Variants in MAP3K7 observed in about 807,000 individuals in gnomAD.
The protein encoded by MAP3K7 is mitogen-activated protein kinase kinase kinase 7.
In MAP3K7, 21 loss-of-function variants were observed where a neutral mutation model predicts 84.8. The ratio of observed to expected loss-of-function variants is 0.25; its 90% CI spans 0.18 to 0.36. MAP3K7 has a LOEUF of 0.36. MAP3K7 is among the 10% of genes least tolerant of loss of function. The pLI is 1.00. For synonymous variants in MAP3K7, 241 were observed against 247.7 expected (o/e 0.97, Z 0.25); for missense variants, 503 against 747.7 (o/e 0.67, Z 3.82).
At position 90,519,336 on chromosome 6, in the gene MAP3K7, T is replaced by A. The variant is rs142511817; in HGVS notation, c.1463-17A>T. The A allele has an allele frequency of 1.7e-4, 252 of 1,524,882 alleles. No individual in the cohort carries two copies. In the African/African-American group the frequency reaches 3.1e-3, roughly 19 times the overall value. The allele number at this position is 1,524,882 out of a possible 1,614,324, so 94.5% of individuals were successfully genotyped here. ...CATTGGTATCTGGAATTCAAGCATG[T>A]ATTTTATTGATTTTCTGTCACAAAT... On this transcript the variant is annotated splice_polypyrimidine_tract_variant and intron_variant, in intron 14 of 16. Coordinates refer to ENST00000369329, the MANE Select transcript of MAP3K7 (RefSeq NM_145331.3).
At chr6:90,555,910 T>C (rs1776322479) in intron 6 of MAP3K7, among the ~76,000 whole-genome samples, 1 of 152,234 alleles carries the variant, frequency 6.6e-6, no homozygotes, top group African/African-American at 2.4e-5. Flanking sequence ...ATTTAACATA[T>C]GTATATTGTC....
chr6:90,547,861 A>G (rs2127971978), intron 10 of MAP3K7, among the ~76,000 whole-genome samples, 186 bp downstream of exon 10: 1 of 152,312 alleles, frequency 6.6e-6, no homozygotes, highest in Non-Finnish European at 1.5e-5. Flanking sequence ...ATTAGAAGGA[A>G]AAACCATTTG....
intron 12 of MAP3K7, 113 bp from the exon 13 acceptor site, chr6:90,536,514 G>T: frequency 4.5e-6 from 3 of 662,146 alleles, no homozygotes; most frequent in Non-Finnish European, 7.7e-6. Context: ...TACACAAAAT[G>T]TTTGTGGGGA....
At chr6:90,541,395 T>C (rs1386075430) in intron 12 of MAP3K7, among the ~76,000 whole-genome samples, 1 of 152,032 alleles carries the variant, frequency 6.6e-6, no homozygotes, top group African/African-American at 2.4e-5. Context: ...ACACTGCTAC[T>C]TGGCAGGACC....
rs921465945 is a variant in MAP3K7 at position 90,554,090 on chromosome 6, A to G, written c.608-504T>C. Among the ~76,000 whole-genome samples the G allele has an allele frequency of 2.0e-5, 3 of 152,008 alleles. No individual in the cohort carries two copies. The South Asian group carries it at 6.2e-4, about 32-fold the overall frequency. On this transcript the variant is annotated intron_variant, in intron 6 of 16. Transcript: ENST00000369329. ...CTGGTTAATTTTTTAAATTTTTTGT[A>G]GAGATGGGGTCTTGCCATGTTGCCC...
intron 12 of MAP3K7, among the ~76,000 whole-genome samples, chr6:90,539,331 ATAAAGT>A (rs1047536639): frequency 3.3e-5 from 5 of 151,918 alleles, no homozygotes; most frequent in Non-Finnish European, 7.4e-5. Flanking sequence ...AATATTCATT[ATAAAGT>A]TAGATTAACT....
chr6:90,549,016 T>C (rs1240492870), intron 9 of MAP3K7, among the ~76,000 whole-genome samples: 1 of 151,894 alleles, frequency 6.6e-6, no homozygotes, highest in Non-Finnish European at 1.5e-5. Flanking sequence ...GAGAAGCTAG[T>C]GAATGCAAAT....
Position 90,514,003 on chromosome 6 carries a change from A to T in MAP3K7, c.*2498T>A, listed in dbSNP as rs1323899876. 6.6e-6 allele frequency: 1 copy of T among 152,098 alleles called. No homozygotes were observed. Among genetic ancestry groups the T allele is most frequent in the Non-Finnish European group, 1.5e-5 (1 of 67,988 alleles). The allele number at this position is 152,098 out of a possible 1,614,324, so 9.4% of individuals were successfully genotyped here. On this transcript the variant is annotated 3_prime_UTR_variant, in exon 17 of 17. Transcript: ENST00000369329. ...AAAAAAGTGATTTTTATTGCTCACG[A>T]ATACTTCCCTCTAGATTAGATAAAA...
At chr6:90,585,401 C>T (rs1290164679) in intron 1 of MAP3K7, among the ~76,000 whole-genome samples, 2 of 152,204 alleles carry the variant, frequency 1.3e-5, no homozygotes, top group Non-Finnish European at 2.9e-5. Flanking sequence ...TATCTCACTA[C>T]TTTGAACTTG....
intron 13 of MAP3K7, among the ~76,000 whole-genome samples, chr6:90,532,031 A>G (rs901662235): frequency 7.2e-5 from 11 of 152,168 alleles, no homozygotes; most frequent in African/African-American, 2.7e-4. Context: ...ATTATTCAAA[A>G]CTATTACATA....
At chr6:90,521,613 G>A (rs1775153718) in intron 14 of MAP3K7, among the ~76,000 whole-genome samples, 1 of 151,950 alleles carries the variant, frequency 6.6e-6, no homozygotes, top group African/African-American at 2.4e-5. Context: ...TAATGTGTCA[G>A]TATTATGACT....
In MAP3K7 at chr6:90,550,959, G is replaced by A. The variant is rs34225659; in HGVS notation, c.868-410C>T. 903 of 152,852 alleles carry A rather than the reference G, an allele frequency of 5.9e-3. 12 individuals carry two copies. Among genetic ancestry groups the A allele is most frequent in the African/African-American group, 0.021 (862 of 41,542 alleles). The allele number at this position is 152,852 out of a possible 1,614,324, so 9.5% of individuals were successfully genotyped here. A position where few individuals can be genotyped will look rare whatever the true frequency, so the allele number is the denominator to read the frequency against. On this transcript the variant is annotated intron_variant, in intron 8 of 16. Transcript: ENST00000369329. ...AATATTAAGAGGATAGATTATGAAT[G>A]TCTTTCTACAAACTGGAGGCATAAT...
At chr6:90,545,021 T>C (rs1775960532) in intron 11 of MAP3K7, among the ~76,000 whole-genome samples, 1 of 152,118 alleles carries the variant, frequency 6.6e-6, no homozygotes, top group African/African-American at 2.4e-5. Flanking sequence ...TAAGTTGTCG[T>C]ATTTGTTTTA....
intron 5 of MAP3K7, among the ~76,000 whole-genome samples, chr6:90,558,579 T>C (rs913266825): frequency 3.3e-5 from 5 of 152,120 alleles, no homozygotes; most frequent in African/African-American, 4.8e-5. Context: ...AATATGTTAA[T>C]GGTATTTACT....
At chr6:90,542,414 A>T (rs1052944886) in intron 12 of MAP3K7, 1 of 983,222 alleles carries the variant, frequency 1.0e-6, no homozygotes, top group Admixed American at 6.2e-5. Flanking sequence ...TAATATTTTC[A>T]TATGAATAGC....
intron 3 of MAP3K7, among the ~76,000 whole-genome samples, chr6:90,566,130 A>G (rs1289513098): frequency 6.6e-6 from 1 of 152,220 alleles, no homozygotes; most frequent in Non-Finnish European, 1.5e-5. Flanking sequence ...AAAAACTGGA[A>G]GCATTCTCTT....
At chr6:90,531,174 A>G (rs1285808054) in intron 13 of MAP3K7, among the ~76,000 whole-genome samples, 1 of 152,192 alleles carries the variant, frequency 6.6e-6, no homozygotes, top group Admixed American at 6.5e-5. Context: ...TTGACCAGAA[A>G]TTTATCCCTA....
At chr6:90,579,072 G>A (rs1777181102) in intron 1 of MAP3K7, among the ~76,000 whole-genome samples, 1 of 152,118 alleles carries the variant, frequency 6.6e-6, no homozygotes, top group Non-Finnish European at 1.5e-5. Flanking sequence ...TCAGCTTTCA[G>A]GTATGTTTCA....
intron 12 of MAP3K7, among the ~76,000 whole-genome samples, chr6:90,539,763 T>C (rs1775796843): frequency 6.6e-6 from 1 of 151,856 alleles, no homozygotes; most frequent in Non-Finnish European, 1.5e-5. Context: ...TATAAAGCCC[T>C]CCCCACCTAG....
Sources: allele counts gnomAD v4.1 joint callset (sites outside exome capture counted in the v4.1 genomes callset), GRCh38; gene constraint gnomAD v4.1.1; transcripts MANE v1.5; gene names NCBI Gene and HGNC (gene_info 2026-07-23, HGNC 2026-07-21).